ZNF787: variants seen among roughly 807,000 people sequenced by gnomAD.
The protein encoded by ZNF787 is TTF-I-interacting peptide 20.
ZNF787 carries 7 observed loss-of-function variants against 16.9 expected under a neutral mutation model. That is an observed-to-expected ratio of 0.42 (90% CI 0.24 to 0.78). The LOEUF (loss-of-function observed/expected upper bound fraction) is 0.78. ZNF787 is among the 30% of genes least tolerant of loss of function. The probability of loss-of-function intolerance (pLI) is 0.30; values close to 1 mark genes in which losing one functional copy is unlikely to be tolerated. For missense variants in ZNF787, 551 were observed against 589.3 expected (o/e 0.94, Z 0.67); for synonymous variants, 345 against 270.9 (o/e 1.27, Z -2.69).
chr19:56,102,651 C>T, intron 2 of ZNF787: 3 of 484,862 alleles, frequency 6.2e-6, no homozygotes, highest in Non-Finnish European at 7.3e-6. Context: ...TCTGCGTCAG[C>T]CTGCGGGTTC....
In ZNF787 at chr19:56,090,624, C is replaced by T. The variant is rs370123837; in HGVS notation, c.80-1532G>A. ...ATCACTTGAGGTCAGGAGTTCAAGACTATCCTGGCCAACATGGCAAAACCC... is the reference window on the plus strand; with the variant it reads ...ATCACTTGAGGTCAGGAGTTCAAGATTATCCTGGCCAACATGGCAAAACCC... On this transcript the variant is annotated intron_variant, in intron 2 of 2. Coordinates refer to ENST00000610935, the MANE Select transcript of ZNF787 (RefSeq NM_001002836.4). Among the ~76,000 whole-genome samples the T allele has an allele frequency of 7.9e-5, 12 of 152,294 alleles. No homozygotes were observed. In the South Asian group the frequency reaches 1.2e-3, roughly 16 times the overall value.
chr19:56,091,999 C>G lies in ZNF787; in HGVS notation c.80-2907G>C, dbSNP rs554499884. Among the ~76,000 whole-genome samples, 21 of 148,380 alleles carry G rather than the reference C, an allele frequency of 1.4e-4. No homozygotes were observed. In the South Asian group the frequency reaches 2.4e-3, roughly 17 times the overall value. On this transcript the variant is annotated intron_variant, in intron 2 of 2. Coordinates refer to ENST00000610935, the MANE Select transcript of ZNF787 (RefSeq NM_001002836.4). The stretch of plus-strand genomic sequence containing the variant: ...AGCCGAAGGCGAAACCGAAGCCAAA[C>G]GGAAGCCAAAGCCGAAACCGAAGCC...
At chr19:56,102,520 C>T (rs892203212) in intron 2 of ZNF787, 2 of 236,560 alleles carry the variant, frequency 8.5e-6, no homozygotes, top group Non-Finnish European at 8.1e-6. Context: ...CCCCACGTAG[C>T]CCACAAATGA....
At chr19:56,118,652 T>C (rs2030204667) in intron 1 of ZNF787, among the ~76,000 whole-genome samples, 1 of 152,074 alleles carries the variant, frequency 6.6e-6, no homozygotes, top group Non-Finnish European at 1.5e-5. Flanking sequence ...CTGCAAAGTG[T>C]GCACCAGCAA....
intron 1 of ZNF787, among the ~76,000 whole-genome samples, chr19:56,109,151 T>C (rs1223450395): frequency 1.3e-5 from 2 of 152,190 alleles, no homozygotes; most frequent in Non-Finnish European, 2.9e-5. Context: ...CCTAATATTT[T>C]AATAACAGGT....
chr19:56,117,564 G>A (rs2030174814), intron 1 of ZNF787, among the ~76,000 whole-genome samples: 1 of 152,274 alleles, frequency 6.6e-6, no homozygotes, highest in African/African-American at 2.4e-5. Flanking sequence ...GGAGGCTGGA[G>A]CCACACCTGA....
intron 1 of ZNF787, among the ~76,000 whole-genome samples, chr19:56,103,830 G>A (rs1219641032): frequency 8.0e-6 from 1 of 125,668 alleles, no homozygotes; most frequent in Non-Finnish European, 1.7e-5. Flanking sequence ...CCCGTGCCAC[G>A]CACCGGGAGG....
At chr19:56,094,187 C>CTTTTT (rs572443571) in intron 2 of ZNF787, among the ~76,000 whole-genome samples, 6 of 105,468 alleles carry the variant, frequency 5.7e-5, no homozygotes, top group East Asian at 3.1e-4. Flanking sequence ...TCATGCCCGG[C>CTTTTT]TTTTTTTTTT....
intron 2 of ZNF787, among the ~76,000 whole-genome samples, chr19:56,100,754 T>A (rs1026873697): frequency 2.3e-5 from 3 of 131,826 alleles, no homozygotes; most frequent in African/African-American, 2.9e-5. Context: ...CCACCTACGA[T>A]GTCTGTCACT....
At chr19:56,102,875 G>A (rs1275302389) in intron 2 of ZNF787, 1 of 703,004 alleles carries the variant, frequency 1.4e-6, no homozygotes, top group South Asian at 1.5e-5. Context: ...GAGGGGCAAG[G>A]ACAGAGGAAG....
Position 56,087,788 on chromosome 19 carries a change from T to C in ZNF787, c.*235A>G, listed in dbSNP as rs922691576. Reference sequence around the variant, plus strand: ...CTCTCCGGCTCGCAGGCCGATAACTTAGGAAGGGCGGGCCAGGCTGAGGGG... The same window carrying C: ...CTCTCCGGCTCGCAGGCCGATAACTCAGGAAGGGCGGGCCAGGCTGAGGGG... On this transcript the variant is annotated 3_prime_UTR_variant, in exon 3 of 3. Transcript: ENST00000610935. 1.7e-5 allele frequency: 10 copies of C among 591,540 alleles called. No homozygotes were observed. Among genetic ancestry groups the C allele is most frequent in the Non-Finnish European group, 2.2e-5 (9 of 417,758 alleles). 36.6% of individuals were successfully genotyped at this position (591,540 alleles called of 1,614,324 possible).
At chr19:56,120,155 C>T (rs531554085) in intron 1 of ZNF787, among the ~76,000 whole-genome samples, 13 of 152,326 alleles carry the variant, frequency 8.5e-5, no homozygotes, top group African/African-American at 3.1e-4. Flanking sequence ...AGACTCCAAG[C>T]CCTTGTTCAT....
chr19:56,119,092 C>G (rs2030215532), intron 1 of ZNF787, among the ~76,000 whole-genome samples: 1 of 152,190 alleles, frequency 6.6e-6, no homozygotes, highest in Non-Finnish European at 1.5e-5. Context: ...GGGACAGGGA[C>G]TGTATGATTC....
chr19:56,115,095 T>C (rs1282330149), intron 1 of ZNF787, among the ~76,000 whole-genome samples: 2 of 152,050 alleles, frequency 1.3e-5, no homozygotes, highest in African/African-American at 2.4e-5. Flanking sequence ...GGGACATCTC[T>C]GTGACACCAC....
At chr19:56,119,693 C>T (rs935531979) in intron 1 of ZNF787, among the ~76,000 whole-genome samples, 32 of 152,224 alleles carry the variant, frequency 2.1e-4, no homozygotes, top group Non-Finnish European at 4.3e-4. Flanking sequence ...TGGCAGTGCA[C>T]CAGGGAGGGG....
intron 2 of ZNF787, among the ~76,000 whole-genome samples, chr19:56,091,928 CCGA>C (rs1328175725): frequency 2.7e-4 from 28 of 103,178 alleles, no homozygotes; most frequent in African/African-American, 6.9e-4. Context: ...GCAGCCGAAG[CCGA>C]AGCCGAAGCC....
At chr19:56,091,091 G>T (rs1253062870) in intron 2 of ZNF787, among the ~76,000 whole-genome samples, 3 of 152,212 alleles carry the variant, frequency 2.0e-5, no homozygotes, top group Non-Finnish European at 2.9e-5. Context: ...AAAAAATGTT[G>T]TAAGTTATAA....
chr19:56,087,895 C>G lies in ZNF787; in HGVS notation c.*128G>C, dbSNP rs542121312. ...CGGACGGCGCAGGGACAGAGGAGGG[C>G]GGGGAGCCGGGGATGCCGCGGGGTC... On this transcript the variant is annotated 3_prime_UTR_variant, in exon 3 of 3. Coordinates refer to ENST00000610935, the MANE Select transcript of ZNF787 (RefSeq NM_001002836.4). The G allele has an allele frequency of 1.0e-3, 1,307 of 1,267,142 alleles. 1 individual carries two copies. Among genetic ancestry groups the G allele is most frequent in the Non-Finnish European group, 1.0e-3 (1,016 of 1,004,622 alleles). 78.5% of individuals were successfully genotyped at this position (1,267,142 alleles called of 1,614,324 possible).
intron 1 of ZNF787, among the ~76,000 whole-genome samples, chr19:56,111,275 G>A (rs1036157281): frequency 5.9e-5 from 9 of 152,036 alleles, no homozygotes; most frequent in African/African-American, 9.7e-5. Context: ...GGGCAGGCAG[G>A]GACCTGGGGC....
Sources: allele counts gnomAD v4.1 joint callset (sites outside exome capture counted in the v4.1 genomes callset), GRCh38; gene constraint gnomAD v4.1.1; transcripts MANE v1.5; gene names NCBI Gene and HGNC (gene_info 2026-07-23, HGNC 2026-07-21).